The following DPP10 variants were observed in gnomAD, a reference collection of about 807,000 sequenced individuals.
The protein encoded by DPP10 is inactive dipeptidyl peptidase 10.
In DPP10, 33 loss-of-function variants were observed where a neutral mutation model predicts 120.9. The ratio of observed to expected loss-of-function variants is 0.27; its 90% CI spans 0.21 to 0.37. The LOEUF (loss-of-function observed/expected upper bound fraction) is 0.37. DPP10 is among the 10% of genes least tolerant of loss of function. The pLI, the probability that DPP10 is intolerant of heterozygous loss-of-function variation, is 1.00. For synonymous variants in DPP10, 337 were observed against 326.1 expected, an observed-to-expected ratio of 1.03 and a Z score of -0.36; for missense variants, 816 against 942.8, an observed-to-expected ratio of 0.87 and a Z score of 1.76.
At chr2:115,546,284 GCT>G (rs1383718390) in intron 5 of DPP10, among the ~76,000 whole-genome samples, 3 of 151,982 alleles carry the variant, frequency 2.0e-5, no homozygotes, top group Non-Finnish European at 4.4e-5. Flanking sequence ...TATTTATCAA[GCT>G]CTGTTCTAAC....
At chr2:115,269,354 A>G (rs906709405) in intron 1 of DPP10, among the ~76,000 whole-genome samples, 3 of 152,210 alleles carry the variant, frequency 2.0e-5, no homozygotes, top group Admixed American at 6.5e-5. Flanking sequence ...GCTCCATAAC[A>G]AATAATTCCA....
intron 5 of DPP10, among the ~76,000 whole-genome samples, chr2:115,535,801 T>G (rs557533821): frequency 1.3e-5 from 2 of 152,214 alleles, no homozygotes; most frequent in East Asian, 1.9e-4. Context: ...AGCAGCGATT[T>G]GTAGTTCTCC....
chr2:115,314,446 A>G (rs766819747), intron 2 of DPP10, among the ~76,000 whole-genome samples: 7 of 152,196 alleles, frequency 4.6e-5, no homozygotes, highest in Non-Finnish European at 7.3e-5. Flanking sequence ...CTCTGTTACA[A>G]TAGTGGGATT....
chr2:114,815,015 AG>A (rs1558768920), intron 1 of DPP10, among the ~76,000 whole-genome samples: 1 of 152,172 alleles, frequency 6.6e-6, no homozygotes, highest in African/African-American at 2.4e-5. Flanking sequence ...TGGCAAGAGA[AG>A]GGGGCAAACC....
Position 115,842,463 on chromosome 2 carries a change from A to G in DPP10, c.*118A>G. On this transcript the variant is annotated 3_prime_UTR_variant, in exon 26 of 26. Coordinates refer to ENST00000410059, the MANE Select transcript of DPP10 (RefSeq NM_020868.6). ...GGGCAGCTTACGGAGATGTCACTGG[A>G]GCAGCACGCTCAGAGACAGTGAACT... The G allele has an allele frequency of 8.2e-7, 1 of 1,214,158 alleles. No homozygotes were observed. Among genetic ancestry groups the G allele is most frequent in the Non-Finnish European group, 1.1e-6 (1 of 883,816 alleles). The allele number at this position is 1,214,158 out of a possible 1,614,324, so 75.2% of individuals were successfully genotyped here.
intron 1 of DPP10, among the ~76,000 whole-genome samples, chr2:115,266,550 A>T (rs1465827614): frequency 2.6e-5 from 4 of 152,180 alleles, no homozygotes. Context: ...TTCACACATT[A>T]TAGGTTCTAG....
intron 19 of DPP10, among the ~76,000 whole-genome samples, chr2:115,813,494 A>G (rs953188055): frequency 6.6e-6 from 1 of 152,140 alleles, no homozygotes; most frequent in Non-Finnish European, 1.5e-5. Flanking sequence ...TTTCATTTTA[A>G]CTTAGTTACC....
chr2:115,580,996 G>A (rs1412723884), intron 5 of DPP10, among the ~76,000 whole-genome samples: 1 of 152,142 alleles, frequency 6.6e-6, no homozygotes, highest in Non-Finnish European at 1.5e-5. Flanking sequence ...AGATCACTTA[G>A]CCAAAGACAA....
At chr2:114,933,745 C>G (rs1279773970) in intron 1 of DPP10, among the ~76,000 whole-genome samples, 1 of 152,140 alleles carries the variant, frequency 6.6e-6, no homozygotes, top group Non-Finnish European at 1.5e-5. Flanking sequence ...CTTGGTCATC[C>G]ATCAGAATTG....
chr2:115,001,871 G>T (rs1701464164), intron 1 of DPP10, among the ~76,000 whole-genome samples: 1 of 152,092 alleles, frequency 6.6e-6, no homozygotes, highest in Non-Finnish European at 1.5e-5. Flanking sequence ...ACTGCTCAAA[G>T]AAATCAGAGA....
chr2:115,383,172 C>A (rs2066550777), intron 3 of DPP10, among the ~76,000 whole-genome samples: 1 of 152,136 alleles, frequency 6.6e-6, no homozygotes. Flanking sequence ...TGGCTGTGTA[C>A]CCACCCAAAT....
chr2:115,676,411 G>A (rs1312008020), intron 5 of DPP10, among the ~76,000 whole-genome samples: 1 of 152,106 alleles, frequency 6.6e-6, no homozygotes, highest in Non-Finnish European at 1.5e-5. Flanking sequence ...CATAAAACTG[G>A]AAGAAGAGAT....
intron 9 of DPP10, among the ~76,000 whole-genome samples, chr2:115,740,237 G>A (rs1329836454): frequency 6.6e-6 from 1 of 151,924 alleles, no homozygotes; most frequent in Admixed American, 6.6e-5. Context: ...TTCCATAATA[G>A]GTGTTACAAA....
chr2:114,786,434 T>A (rs1163336621), intron 1 of DPP10, among the ~76,000 whole-genome samples: 1 of 152,194 alleles, frequency 6.6e-6, no homozygotes, highest in African/African-American at 2.4e-5. Context: ...GAGAAAGGTG[T>A]CTGCCCAGAT....
chr2:115,325,706 T>C (rs1184308534), intron 2 of DPP10, among the ~76,000 whole-genome samples: 1 of 152,072 alleles, frequency 6.6e-6, no homozygotes, highest in Non-Finnish European at 1.5e-5. Flanking sequence ...AATAACAAAA[T>C]GAAAAGTTAT....
At chr2:114,823,341 C>T (rs536954395) in intron 1 of DPP10, among the ~76,000 whole-genome samples, 4 of 152,000 alleles carry the variant, frequency 2.6e-5, no homozygotes, top group South Asian at 4.2e-4. Context: ...GGAGAACCAC[C>T]CCCATAATCT....
chr2:115,538,634 C>T (rs569891129), intron 5 of DPP10, among the ~76,000 whole-genome samples: 2 of 152,014 alleles, frequency 1.3e-5, no homozygotes, highest in East Asian at 1.9e-4. Flanking sequence ...CAAAATGTAG[C>T]GTGAAGGATA....
chr2:114,929,070 GT>G (rs1695864606), intron 1 of DPP10, among the ~76,000 whole-genome samples: 1 of 152,154 alleles, frequency 6.6e-6, no homozygotes, highest in African/African-American at 2.4e-5. Flanking sequence ...TCACCTATTG[GT>G]AGGTTCTGTG....
chr2:115,486,459 G>C (rs994218257), intron 3 of DPP10, among the ~76,000 whole-genome samples: 4 of 152,118 alleles, frequency 2.6e-5, no homozygotes, highest in African/African-American at 9.7e-5. Context: ...GCAGTGTAGA[G>C]TTCTAGACCT....
Sources: allele counts gnomAD v4.1 joint callset (sites outside exome capture counted in the v4.1 genomes callset), GRCh38; gene constraint gnomAD v4.1.1; transcripts MANE v1.5; gene names NCBI Gene and HGNC (gene_info 2026-07-23, HGNC 2026-07-21).